Variants in ITGA10 observed in about 807,000 individuals in gnomAD.
The protein encoded by ITGA10 is integrin alpha-10.
In ITGA10, 105 loss-of-function variants were observed where a neutral mutation model predicts 145.2. The observed-to-expected ratio is 0.72, with a 90% CI of 0.62 to 0.85. The LOEUF is 0.85. Ranked by LOEUF, ITGA10 falls within the 40% of genes least tolerant of loss-of-function variation. The pLI is 0.00. For missense variants in ITGA10, 1,317 were observed against 1,444.5 expected (o/e 0.91, Z 1.43); for synonymous variants, 506 against 557.8 (o/e 0.91, Z 1.31).
At position 145,906,814 on chromosome 1, in the gene ITGA10, T is replaced by C. The variant is rs782158019; in HGVS notation, c.285A>G (p.Gln95=). The C allele has an allele frequency of 3.7e-6, 6 of 1,612,258 alleles. No individual in the cohort carries two copies. The highest frequency in any genetic ancestry group is 2.7e-5 in the African/African-American group (2 of 74,884). ...CAGCAGGATGAGATGAATTTCCCAG[T>C]TGGTAGTCACCTGGTTGGAAGGAGG... is the stretch of plus-strand genomic sequence containing the variant. ...PCAKGHLGDY[Q]LGNSSHPAVN... The change falls in exon 4 of 30, where the codon CAA becomes CAG. Residue 95 remains glutamine, a synonymous_variant. Transcript: ENST00000369304.
rs1342078245 is a variant in ITGA10, at chr1:145,897,740, C to A, written c.2432+75G>T. ...TTTTGTTATCATGGGTAAGAAACAA[C>A]CCCCTACCCGCCCTTCGAGTCCCTT... On this transcript the variant is annotated intron_variant, in intron 19 of 29. Coordinates refer to ENST00000369304, the MANE Select transcript of ITGA10 (RefSeq NM_003637.5). The A allele has an allele frequency of 4.3e-5, 69 of 1,610,336 alleles. 1 individual carries two copies. The Middle Eastern group carries it at 1.2e-3, about 28-fold the overall frequency.
In ITGA10 at chr1:145,899,192, C is replaced by T. The variant is rs2274618; in HGVS notation, c.2072G>A (p.Arg691His). 5.3e-4 allele frequency: 853 copies of T among 1,614,186 alleles called. 14 individuals carry two copies. In the East Asian group the frequency reaches 0.018, roughly 34 times the overall value. The change falls in exon 16 of 30, where the codon CGC (arginine) becomes CAC (histidine). Residue 691 changes from arginine to histidine, a missense_variant. By Grantham distance (29) the Arg-to-His change is conservative. Transcript: ENST00000369304. ...TCACTCACAGAATTGGTGATCCCAGCGACCAGGAGTACGGGAGGTCACTTG... is the reference window on the plus strand; with the variant it reads ...TCACTCACAGAATTGGTGATCCCAGTGACCAGGAGTACGGGAGGTCACTTG... ...CFQVTSRTPG[R>H]WDHQFYMRFT...
In ITGA10 at chr1:145,902,915, T is replaced by G. The variant is rs1656560524; in HGVS notation, c.805A>C (p.Arg269=). The G allele has an allele frequency of 6.2e-7, 1 of 1,613,598 alleles. No homozygotes were observed. Among genetic ancestry groups the G allele is most frequent in the Non-Finnish European group, 8.5e-7 (1 of 1,179,766 alleles). ...CCATCAGTGACAACCACCAGTAGCC[T>G]GGCAGCCTCGGGTCGGCCCCCATGG... ...QSHGGRPEAA[R]LLVVVTDGES... is the part of the protein sequence containing the mutation. The change falls in exon 8 of 30, where the codon AGG becomes CGG. Residue 269 remains arginine (R), a synonymous_variant. Transcript: ENST00000369304.
In ITGA10 at chr1:145,901,738, T is replaced by C. The variant is rs1468323983; in HGVS notation, c.1295-74A>G. ...AGAGTAGGGGGGTTCCCTAAAGGCA[T>C]AGCAGGAGGTCCCAAGGGAAGTAAC... is the stretch of plus-strand genomic sequence containing the variant. On this transcript the variant is annotated intron_variant, in intron 11 of 29. Coordinates refer to ENST00000369304, the MANE Select transcript of ITGA10 (RefSeq NM_003637.5). This position sits in a 1 kb window ranked among gnomAD's most constrained non-coding sequence, Gnocchi z 4.3. The C allele has an allele frequency of 1.6e-5, 24 of 1,535,670 alleles. No individual in the cohort carries two copies. The Admixed American group carries it at 4.1e-4, about 26-fold the overall frequency.
chr1:145,895,761 C>T (rs1553744804), intron 25 of ITGA10, 50 bp from the exon 26 acceptor site: 3 of 1,549,536 alleles, frequency 1.9e-6, no homozygotes, highest in Non-Finnish European at 2.7e-6. Context: ...TGGCGCTAGC[C>T]ACTCAAGGCT....
rs1346320692 is a variant in ITGA10 at position 145,901,731 on chromosome 1, A to G, written c.1295-67T>C. The stretch of plus-strand genomic sequence containing the variant: ...GGGGTCCAGAGTAGGGGGGTTCCCT[A>G]AAGGCATAGCAGGAGGTCCCAAGGG... On this transcript the variant is annotated intron_variant, in intron 11 of 29. Transcript: ENST00000369304. The surrounding 1 kb of genome is among the most constrained non-coding windows in gnomAD (Gnocchi z 4.3). 2 of 1,535,230 alleles carry G rather than the reference A, an allele frequency of 1.3e-6. No individual in the cohort carries two copies. Among genetic ancestry groups the G allele is most frequent in the Admixed American group, 4.0e-5 (2 of 50,330 alleles).
intron 16 of ITGA10, 41 bp downstream of exon 16, chr1:145,899,134 A>G (rs1553746752): frequency 1.2e-6 from 2 of 1,614,240 alleles, no homozygotes; most frequent in Non-Finnish European, 1.7e-6. Flanking sequence ...GAAGGCATGC[A>G]AGGAATTGAG....
Position 145,907,106 on chromosome 1 carries a change from C to T in ITGA10, c.209G>A (p.Arg70Lys). 1.3e-6 allele frequency: 2 copies of T among 1,564,016 alleles called. No individual in the cohort carries two copies. The highest frequency in any genetic ancestry group is 1.7e-6 in the Non-Finnish European group (2 of 1,153,742). ...TACAGGGCAGCGATAAACGTCCCCC[C>T]TCCGGTCGCCTGAAGGCCCATCCCA... The part of the protein sequence containing the change: ...APWDGPSGDR[R>K]GDVYRCPVGG... The change falls in exon 3 of 30, where the codon AGG becomes AAG. Residue 70 changes from arginine to lysine, a missense_variant. Arg to Lys is a conservative substitution (Grantham distance 26). Transcript: ENST00000369304.
At chr1:145,902,428 G>C in intron 9 of ITGA10, 26 bp downstream of exon 9, 1 of 1,608,998 alleles carries the variant, frequency 6.2e-7, no homozygotes, top group Non-Finnish European at 8.5e-7. Flanking sequence ...CTCCCGCCCT[G>C]TCCATTTCTC....
Position 145,900,146 on chromosome 1 carries a change from A to G in ITGA10, c.1833T>C (p.Phe611=). Reference sequence around the variant, plus strand: ...CTAGCCGACCATCCACACTTCGGCCAAAGTAGCTGAGGGCATGTGGCATGG... The same window carrying G: ...CTAGCCGACCATCCACACTTCGGCCGAAGTAGCTGAGGGCATGTGGCATGG... The part of the protein sequence containing the change: ...AASMPHALSY[F]GRSVDGRLDL... The change falls in exon 15 of 30, where the codon TTT becomes TTC. Residue 611 remains phenylalanine, a synonymous_variant. Transcript: ENST00000369304. 6.2e-7 allele frequency: 1 copy of G among 1,614,158 alleles called. No individual in the cohort carries two copies. Among genetic ancestry groups the G allele is most frequent in the Non-Finnish European group, 8.5e-7 (1 of 1,179,986 alleles).
Position 145,901,315 on chromosome 1 carries a change from G to A in ITGA10, c.1444-37C>T. The stretch of plus-strand genomic sequence containing the variant: ...TGGGTGATGATGACCCCAGAGAAAA[G>A]GGAAGGTAACTGTAGACAAGTGGAC... On this transcript the variant is annotated intron_variant, in intron 12 of 29. Transcript: ENST00000369304. This position sits in a 1 kb window ranked among gnomAD's most constrained non-coding sequence, Gnocchi z 4.3. 3 of 1,611,242 alleles carry A rather than the reference G, an allele frequency of 1.9e-6. No individual in the cohort carries two copies. The highest frequency in any genetic ancestry group is 2.5e-6 in the Non-Finnish European group (3 of 1,178,252).
chr1:145,899,978 C>T (rs1656011627), intron 15 of ITGA10, 79 bp downstream of exon 15: 2 of 1,450,408 alleles, frequency 1.4e-6, no homozygotes, highest in African/African-American at 2.8e-5. Context: ...AAAACCAAAT[C>T]TCCATCTGTG....
intron 5 of ITGA10, among the ~76,000 whole-genome samples, chr1:145,905,070 C>CACACACACACG (rs1553750640): frequency 2.3e-4 from 35 of 151,422 alleles, no homozygotes; most frequent in African/African-American, 8.5e-4. Flanking sequence ...ACACACACAC[C>CACACACACACG]TACACATTTA....
rs782412351 is a variant in ITGA10 at position 145,902,957 on chromosome 1, C to T, written c.763G>A (p.Glu255Lys). 1 of 1,598,084 alleles carries T rather than the reference C, an allele frequency of 6.3e-7. No homozygotes were observed. Residue 255 changes from glutamate to lysine, a missense_variant, in exon 8 of 30, where the codon GAA becomes AAA. Physicochemically the swap from Glu to Lys is moderately conservative, Grantham distance 56. Coordinates refer to ENST00000369304, the MANE Select transcript of ITGA10 (RefSeq NM_003637.5). ...CCCCCATGGGACTGACTGAACCCTT[C>T]TGTGCTGAGAAGAGAAAGGAGTGAG... ...TAQAIMVACT[E>K]GFSQSHGGRP... is the part of the protein sequence containing the mutation.
At chr1:145,903,938 C>T in intron 7 of ITGA10, 114 bp downstream of exon 7, 1 of 1,211,484 alleles carries the variant, frequency 8.3e-7, no homozygotes, top group Non-Finnish European at 1.2e-6. Context: ...ATCCGCCTGC[C>T]TTGCCTCCCA....
Position 145,895,344 on chromosome 1 carries a change from A to C in ITGA10, c.3164T>G (p.Leu1055Arg), listed in dbSNP as rs781918332. The C allele has an allele frequency of 5.6e-6, 9 of 1,614,200 alleles. No homozygotes were observed. Among genetic ancestry groups the C allele is most frequent in the Non-Finnish European group, 7.6e-6 (9 of 1,180,018 alleles). ...AACAGAGACCTCAGTCCCCTTTGCC[A>C]GCTGCCCAAGGTGGCACCTCACCAC... is the stretch of plus-strand genomic sequence containing the variant. ...CQVVRCHLGQ[L>R]AKGTEVSVGL... The change falls in exon 27 of 30, where the codon CTG (leucine) becomes CGG (arginine). Residue 1055 changes from leucine to arginine, a missense_variant. Physicochemically the swap from Leu to Arg is moderately radical, Grantham distance 102. Coordinates refer to ENST00000369304, the MANE Select transcript of ITGA10 (RefSeq NM_003637.5).
At position 145,902,337 on chromosome 1, in the gene ITGA10, A is replaced by G; in HGVS notation, c.1076-18T>C. 1 of 1,613,654 alleles carries G rather than the reference A, an allele frequency of 6.2e-7. No homozygotes were observed. The highest frequency in any genetic ancestry group is 8.5e-7 in the Non-Finnish European group (1 of 1,179,540). On this transcript the variant is annotated intron_variant, in intron 9 of 29. Coordinates refer to ENST00000369304, the MANE Select transcript of ITGA10 (RefSeq NM_003637.5). ...ATGGGACCCTTGGTCATGAGAAAAC[A>G]TTGAGACAATATCAGGGGAAGACAG...
At position 145,898,109 on chromosome 1, in the gene ITGA10, C is replaced by T. The variant is rs371540740; in HGVS notation, c.2346+1G>A. ...AAGGGGCAGGGCATGGCACTGCTGA[C>T]CAGCTTTTGTATAGAGGTGGGTGAG... is the stretch of plus-strand genomic sequence containing the variant. On this transcript the variant is annotated splice_donor_variant, in intron 18 of 29. Coordinates refer to ENST00000369304, the MANE Select transcript of ITGA10 (RefSeq NM_003637.5). LOFTEE classifies it high-confidence loss of function. 4.3e-6 allele frequency: 7 copies of T among 1,609,724 alleles called. No individual in the cohort carries two copies. Among genetic ancestry groups the T allele is most frequent in the Non-Finnish European group, 6.0e-6 (7 of 1,176,172 alleles).
intron 4 of ITGA10, 24 bp from the exon 5 acceptor site, chr1:145,906,532 T>C (rs781985362): frequency 1.3e-6 from 2 of 1,596,438 alleles, no homozygotes; most frequent in African/African-American, 1.3e-5. Flanking sequence ...AAATAGTTAC[T>C]CCCAGGCTTG....
Sources: allele counts gnomAD v4.1 joint callset (sites outside exome capture counted in the v4.1 genomes callset), GRCh38; gene constraint gnomAD v4.1.1; non-coding constraint Gnocchi (gnomAD v3.1); transcripts MANE v1.5; gene names NCBI Gene and HGNC (gene_info 2026-07-23, HGNC 2026-07-21).